The following RSPO2 variants were observed in gnomAD, a reference collection of about 807,000 sequenced individuals.
RSPO2 encodes the protein R-spondin-2.
RSPO2 carries 14 observed loss-of-function variants against 30.9 expected under a neutral mutation model. The ratio of observed to expected loss-of-function variants is 0.45; its 90% CI spans 0.30 to 0.71. The LOEUF (loss-of-function observed/expected upper bound fraction) is 0.71. Among genes scored for constraint, RSPO2 ranks in the 30% least tolerant of loss-of-function variants. The pLI is 0.08. For synonymous variants in RSPO2, 107 were observed against 96.4 expected (o/e 1.11, Z -0.64); for missense variants, 264 against 301.9 (o/e 0.87, Z 0.93).
chr8:107,908,687 T>A (rs1811729920), intron 5 of RSPO2, among the ~76,000 whole-genome samples: 1 of 152,152 alleles, frequency 6.6e-6, no homozygotes, highest in South Asian at 2.1e-4. Context: ...TTTAGTGGAC[T>A]AAAGATTAAC....
At chr8:107,922,791 C>A (rs1328525556) in intron 5 of RSPO2, among the ~76,000 whole-genome samples, 4 of 152,076 alleles carry the variant, frequency 2.6e-5, no homozygotes, top group African/African-American at 9.7e-5. Context: ...TACTGTACAT[C>A]TACAACCATC....
chr8:107,983,455 C>A (rs1814518889), intron 3 of RSPO2: 1 of 1,597,798 alleles, frequency 6.3e-7, no homozygotes, highest in Non-Finnish European at 8.6e-7. Flanking sequence ...GGGCCAGAGT[C>A]CCCTTTCTCA....
intron 2 of RSPO2, among the ~76,000 whole-genome samples, chr8:108,074,807 C>T (rs1158179928): frequency 2.6e-5 from 4 of 152,144 alleles, no homozygotes; most frequent in Non-Finnish European, 5.9e-5. Flanking sequence ...TAAAACCACA[C>T]GTTTCTATAA....
intron 2 of RSPO2, among the ~76,000 whole-genome samples, chr8:108,031,885 G>A (rs1440199175): frequency 2.0e-5 from 3 of 152,030 alleles, no homozygotes; most frequent in Admixed American, 6.6e-5. Context: ...GAATAGGATT[G>A]ATGCCCCACA....
chr8:107,928,503 G>A (rs1016774103), intron 5 of RSPO2, among the ~76,000 whole-genome samples: 2 of 152,044 alleles, frequency 1.3e-5, no homozygotes, highest in Admixed American at 6.6e-5. Flanking sequence ...TTTAGTAAAG[G>A]CACTTAGATT....
chr8:107,941,742 A>G (rs1812903576), intron 5 of RSPO2, among the ~76,000 whole-genome samples: 1 of 152,216 alleles, frequency 6.6e-6, no homozygotes, highest in South Asian at 2.1e-4. Context: ...TAATGGTGTA[A>G]TTCTGAAGTG....
At chr8:107,933,935 T>G (rs1300831051) in intron 5 of RSPO2, among the ~76,000 whole-genome samples, 1 of 152,214 alleles carries the variant, frequency 6.6e-6, no homozygotes, top group Admixed American at 6.5e-5. Context: ...TAATATATTT[T>G]TTAAACCTGT....
chr8:108,003,244 T>G (rs1156595887), intron 2 of RSPO2, among the ~76,000 whole-genome samples: 1 of 54,786 alleles, frequency 1.8e-5, no homozygotes, highest in African/African-American at 2.2e-4. Context: ...TATATATGTA[T>G]GTATGTATGT....
chr8:108,081,793 G>T (rs1813206633), intron 2 of RSPO2: 4 of 452,036 alleles, frequency 8.8e-6, no homozygotes, highest in East Asian at 1.6e-4. Context: ...ATTGAGAACA[G>T]AAGCCTCCAC....
intron 5 of RSPO2, among the ~76,000 whole-genome samples, chr8:107,939,477 T>C (rs1382572931): frequency 1.4e-5 from 1 of 73,568 alleles, no homozygotes; most frequent in East Asian, 7.1e-4. Context: ...AATTAAATTA[T>C]CTTTTTTTTT....
At chr8:107,974,813 AG>A (rs1268843550) in intron 3 of RSPO2, among the ~76,000 whole-genome samples, 2 of 150,512 alleles carry the variant, frequency 1.3e-5, no homozygotes, top group African/African-American at 4.9e-5. Flanking sequence ...TACCTGACAA[AG>A]GTCATGCAGG....
At chr8:107,981,710 A>G (rs1040721436) in intron 3 of RSPO2, among the ~76,000 whole-genome samples, 2 of 152,134 alleles carry the variant, frequency 1.3e-5, no homozygotes, top group African/African-American at 4.8e-5. Context: ...ATTTCATTTG[A>G]AAAGCAAAAT....
intron 3 of RSPO2, among the ~76,000 whole-genome samples, chr8:107,988,128 T>C (rs1047068869): frequency 2.0e-5 from 3 of 152,166 alleles, no homozygotes; most frequent in Non-Finnish European, 2.9e-5. Flanking sequence ...AGACTCATTC[T>C]GTAAGTGATT....
intron 5 of RSPO2, among the ~76,000 whole-genome samples, chr8:107,912,256 C>G (rs79677407): frequency 6.6e-6 from 1 of 152,200 alleles, no homozygotes; most frequent in African/African-American, 2.4e-5. Flanking sequence ...CATGCACCAA[C>G]TCCTGAAAGC....
intron 3 of RSPO2, among the ~76,000 whole-genome samples, chr8:107,961,529 T>C (rs1473672827): frequency 6.6e-6 from 1 of 152,148 alleles, no homozygotes; most frequent in African/African-American, 2.4e-5. Flanking sequence ...TTTAAATCCA[T>C]TCTCTTTCTC....
intron 5 of RSPO2, among the ~76,000 whole-genome samples, chr8:107,945,309 C>T (rs1484028391): frequency 1.6e-5 from 2 of 125,644 alleles, no homozygotes; most frequent in Non-Finnish European, 3.1e-5. Flanking sequence ...AGTGCAGTGG[C>T]GCGATCTCGG....
intron 2 of RSPO2, among the ~76,000 whole-genome samples, chr8:108,072,577 A>T (rs1018003379): frequency 6.8e-6 from 1 of 147,518 alleles, no homozygotes; most frequent in Non-Finnish European, 1.5e-5. Context: ...TGACCTCGTG[A>T]TCCGCCCGCC....
chr8:108,063,422 C>T (rs1042617803), intron 2 of RSPO2, among the ~76,000 whole-genome samples: 1 of 151,744 alleles, frequency 6.6e-6, no homozygotes, highest in Admixed American at 6.6e-5. Context: ...GAGTGAACTC[C>T]CATTCACAAT....
chr8:108,049,578 T>C (rs1348081100), intron 2 of RSPO2, among the ~76,000 whole-genome samples: 1 of 150,964 alleles, frequency 6.6e-6, no homozygotes, highest in Non-Finnish European at 1.5e-5. Context: ...CAGGCCCCAG[T>C]ATGTGATGTT....
Sources: gnomAD v4.1 joint callset for allele counts (sites outside exome capture counted in the v4.1 genomes callset) on GRCh38, gnomAD v4.1.1 for gene constraint, MANE v1.5 for transcripts, NCBI Gene and HGNC (gene_info 2026-07-23, HGNC 2026-07-21) for gene names.